PELI1: variants seen among roughly 807,000 people sequenced by gnomAD.
PELI1 encodes pellino E3 ubiquitin protein ligase 1.
PELI1 carries 15 observed loss-of-function variants against 41.3 expected under a neutral mutation model. The ratio of observed to expected loss-of-function variants is 0.36; its 90% CI spans 0.24 to 0.56. The LOEUF (loss-of-function observed/expected upper bound fraction) is 0.56, where lower values mean the gene tolerates loss of function less well. PELI1 is among the 20% of genes least tolerant of loss of function. The pLI, the probability that PELI1 is intolerant of heterozygous loss-of-function variation, is 0.82. For missense variants in PELI1, 403 were observed against 525.5 expected (o/e 0.77, Z 2.28); for synonymous variants, 178 against 180.1 (o/e 0.99, Z 0.09).
At chr2:64,139,145 T>A (rs537660590) in intron 1 of PELI1, among the ~76,000 whole-genome samples, 1 of 152,354 alleles carries the variant, frequency 6.6e-6, no homozygotes, top group African/African-American at 2.4e-5. Flanking sequence ...TGAATAAATG[T>A]CTTTTTACAG....
intron 1 of PELI1, among the ~76,000 whole-genome samples, chr2:64,121,463 A>G (rs76273193): frequency 0.041 from 6,231 of 152,280 alleles, 146 homozygotes; most frequent in African/African-American, 0.073. Context: ...TTAACATCTT[A>G]ATGATTAAAA....
intron 1 of PELI1, among the ~76,000 whole-genome samples, chr2:64,128,727 TC>T (rs1681464710): frequency 6.6e-6 from 1 of 152,170 alleles, no homozygotes; most frequent in Non-Finnish European, 1.5e-5. Flanking sequence ...TCTACACACA[TC>T]TATGAATTTC....
rs147045098 is a variant in PELI1, at chr2:64,105,993, A to G, written c.72-1163T>C. 3.8e-4 allele frequency among the ~76,000 whole-genome samples: 58 copies of G among 152,374 alleles called. No individual in the cohort carries two copies. In the East Asian group the frequency reaches 0.01, roughly 27 times the overall value. On this transcript the variant is annotated intron_variant, in intron 2 of 6. Coordinates refer to ENST00000358912, the MANE Select transcript of PELI1 (RefSeq NM_020651.4). ...AGAGAGTTTACTCAATGACTGCCAT[A>G]TATAGAAACTACATTGACCCTTTAT... is the stretch of plus-strand genomic sequence containing the variant.
At chr2:64,099,492 A>G (rs1680353297) in intron 4 of PELI1, among the ~76,000 whole-genome samples, 1 of 152,226 alleles carries the variant, frequency 6.6e-6, no homozygotes, top group South Asian at 2.1e-4. Flanking sequence ...ATAAATGCCC[A>G]CATTCTAATA....
At chr2:64,111,276 C>A (rs1365981744) in intron 1 of PELI1, among the ~76,000 whole-genome samples, 1 of 152,010 alleles carries the variant, frequency 6.6e-6, no homozygotes, top group Non-Finnish European at 1.5e-5. Context: ...GAGAAGGCAA[C>A]AGGGAATGTA....
At chr2:64,143,072 C>T (rs1195183052) in intron 1 of PELI1, among the ~76,000 whole-genome samples, 11 of 152,204 alleles carry the variant, frequency 7.2e-5, no homozygotes, top group African/African-American at 4.8e-5. Context: ...AACCAAGGCA[C>T]ATTTCCTTGT....
At chr2:64,110,015 C>T (rs577422994) in intron 1 of PELI1, among the ~76,000 whole-genome samples, 100 of 152,116 alleles carry the variant, frequency 6.6e-4, no homozygotes, top group African/African-American at 2.1e-3. Context: ...GAAGCGGAGG[C>T]GGGAAGATCA....
intron 1 of PELI1, among the ~76,000 whole-genome samples, chr2:64,109,809 C>T (rs927173301): frequency 2.6e-5 from 4 of 152,100 alleles, no homozygotes; most frequent in East Asian, 3.8e-4. Flanking sequence ...GGAAATTACT[C>T]GATCTGAATA....
At position 64,096,571 on chromosome 2, in the gene PELI1, T is replaced by C; in HGVS notation, c.343A>G (p.Thr115Ala). 1 of 1,613,262 alleles carries C rather than the reference T, an allele frequency of 6.2e-7. No homozygotes were observed. The highest frequency in any genetic ancestry group is 8.5e-7 in the Non-Finnish European group (1 of 1,179,400). ...STESPIDFVV[T>A]DTVPGSQSNS... Reference sequence around the variant, plus strand: ...CTTTGACTTCCAGGAACCGTGTCAGTTACTACAAAATCAATGGGGCTTTCA... The same window carrying C: ...CTTTGACTTCCAGGAACCGTGTCAGCTACTACAAAATCAATGGGGCTTTCA... Residue 115 changes from threonine (T) to alanine (A), a missense_variant, in exon 5 of 7, where the codon ACT (threonine) becomes GCT (alanine). Transcript: ENST00000358912.
intron 4 of PELI1, 148 bp from the exon 5 acceptor site, chr2:64,096,758 T>C: frequency 1.7e-6 from 1 of 584,250 alleles, no homozygotes; most frequent in Non-Finnish European, 3.1e-6. Context: ...GCATCTATAC[T>C]CTTGAAAACT....
rs201740152 is a variant in PELI1, at chr2:64,099,203, T to C, written c.303+1195A>G. Among the ~76,000 whole-genome samples, 432 of 110,690 alleles carry C rather than the reference T, an allele frequency of 3.9e-3. 1 individual carries two copies. Among genetic ancestry groups the C allele is most frequent in the Middle Eastern group, 0.014 (3 of 220 alleles). The allele number at this position is 110,690 out of a possible 152,430, so 72.6% of individuals were successfully genotyped here. ...ACACACACACACACACACACACACA[T>C]ATATATTTATCTATATTTTATTAAA... On this transcript the variant is annotated intron_variant, in intron 4 of 6. Transcript: ENST00000358912.
At chr2:64,096,026 A>G (rs1049044782) in intron 6 of PELI1, 99 bp downstream of exon 6, 2 of 806,476 alleles carry the variant, frequency 2.5e-6, no homozygotes, top group Non-Finnish European at 4.0e-6. Flanking sequence ...TGTGTTGGCA[A>G]TAGATTTAAG....
intron 1 of PELI1, among the ~76,000 whole-genome samples, chr2:64,117,822 T>C (rs140801113): frequency 2.1e-3 from 320 of 152,276 alleles, no homozygotes; most frequent in African/African-American, 7.3e-3. Context: ...TAATTTTTTT[T>C]TTTTTGAGAC....
chr2:64,127,961 T>C (rs1681442555), intron 1 of PELI1, among the ~76,000 whole-genome samples: 1 of 152,170 alleles, frequency 6.6e-6, no homozygotes, highest in African/African-American at 2.4e-5. Context: ...TATAATTTAG[T>C]CTAAGTCCTT....
At chr2:64,101,436 T>C (rs1056795976) in intron 3 of PELI1, among the ~76,000 whole-genome samples, 4 of 152,306 alleles carry the variant, frequency 2.6e-5, no homozygotes, top group African/African-American at 9.6e-5. Context: ...CTAAAAACAT[T>C]GCTAAAAAGA....
intron 1 of PELI1, among the ~76,000 whole-genome samples, chr2:64,131,697 T>G (rs1681563212): frequency 6.6e-6 from 1 of 152,028 alleles, no homozygotes; most frequent in South Asian, 2.1e-4. Flanking sequence ...CTTGGCTCAC[T>G]GCAACCTCCA....
intron 1 of PELI1, among the ~76,000 whole-genome samples, chr2:64,137,501 G>GC (rs1318189282): frequency 2.6e-5 from 4 of 152,052 alleles, no homozygotes; most frequent in African/African-American, 9.6e-5. Context: ...GTGTGTGTGC[G>GC]CATTTTGTGA....
At chr2:64,109,702 A>G (rs1175248727) in intron 1 of PELI1, among the ~76,000 whole-genome samples, 1 of 152,150 alleles carries the variant, frequency 6.6e-6, no homozygotes, top group Admixed American at 6.5e-5. Context: ...AGAAACAAAA[A>G]CAAAAACAAT....
rs1269633948 is a variant in PELI1, at chr2:64,094,342, CTG to C, written c.*358_*359del. ...TGTATTTTACAATGTTTGCAACAAA[CTG>C]TAAACTAACATAGTTTGAACCAACA... On this transcript the variant is annotated 3_prime_UTR_variant, in exon 7 of 7. Coordinates refer to ENST00000358912, the MANE Select transcript of PELI1 (RefSeq NM_020651.4). 5.7e-6 allele frequency: 1 copy of C among 176,488 alleles called. No individual in the cohort carries two copies. The highest frequency in any genetic ancestry group is 1.5e-4 in the East Asian group (1 of 6,464). The allele number at this position is 176,488 out of a possible 1,614,324, so 10.9% of individuals were successfully genotyped here.
Sources: gnomAD v4.1 joint callset for allele counts (sites outside exome capture counted in the v4.1 genomes callset) on GRCh38, gnomAD v4.1.1 for gene constraint, MANE v1.5 for transcripts, NCBI Gene and HGNC (gene_info 2026-07-23, HGNC 2026-07-21) for gene names.